Variants in SNTG1 observed in about 807,000 individuals in gnomAD.
The protein encoded by SNTG1 is syntrophin gamma 1, also known as gamma-1-syntrophin.
Under a neutral mutation model 74.7 loss-of-function variants are expected in SNTG1, and 39 were observed. The observed-to-expected ratio is 0.52, with a 90% CI of 0.40 to 0.68. SNTG1 has a LOEUF of 0.68. Ranked by LOEUF, SNTG1 falls within the 30% of genes least tolerant of loss-of-function variation. SNTG1 has a pLI of 0.00. For synonymous variants in SNTG1, 254 were observed against 217.1 expected, an observed-to-expected ratio of 1.17 and a Z score of -1.49; for missense variants, 685 against 609.5, an observed-to-expected ratio of 1.12 and a Z score of -1.30.
chr8:50,354,985 T>C (rs1483910945), intron 2 of SNTG1, among the ~76,000 whole-genome samples: 1 of 152,170 alleles, frequency 6.6e-6, no homozygotes, highest in Non-Finnish European at 1.5e-5. Flanking sequence ...GTAGTTAGAT[T>C]TGAGATGCAC....
chr8:49,982,019 A>G (rs1349306838), intron 1 of SNTG1, among the ~76,000 whole-genome samples: 1 of 152,176 alleles, frequency 6.6e-6, no homozygotes, highest in Non-Finnish European at 1.5e-5. Context: ...ATCTATGGAG[A>G]AAACAATAGC....
chr8:50,394,216 C>T lies in SNTG1; in HGVS notation c.-23C>T, dbSNP rs75930276. 3.9e-3 allele frequency: 6,333 copies of T among 1,612,642 alleles called. 171 individuals are homozygous for T. In the African/African-American group the frequency reaches 0.063, roughly 16 times the overall value. On this transcript the variant is annotated 5_prime_UTR_variant, in exon 3 of 19. Coordinates refer to ENST00000642720, the MANE Select transcript of SNTG1 (RefSeq NM_018967.5). ...ACCATTTCTGTGTCTTTTCAGACGA[C>T]ATCCTTTGTGGTGCCACAGCACATG...
chr8:50,701,696 T>C (rs916092187), intron 15 of SNTG1, among the ~76,000 whole-genome samples: 3 of 150,122 alleles, frequency 2.0e-5, no homozygotes, highest in Non-Finnish European at 4.4e-5. Flanking sequence ...TTCTTTGCCT[T>C]CCTCTTCCTC....
chr8:50,080,079 A>G (rs542231577), intron 1 of SNTG1, among the ~76,000 whole-genome samples: 1 of 152,260 alleles, frequency 6.6e-6, no homozygotes, highest in South Asian at 2.1e-4. Context: ...GTAATATAAA[A>G]ACACAATGTA....
intron 1 of SNTG1, among the ~76,000 whole-genome samples, chr8:50,028,557 C>G (rs548814446): frequency 1.4e-5 from 2 of 147,906 alleles, no homozygotes; most frequent in South Asian, 4.4e-4. Context: ...CTGAATGCAC[C>G]GTTTTACTCC....
At chr8:50,252,338 G>T (rs2129914959) in intron 2 of SNTG1, among the ~76,000 whole-genome samples, 1 of 152,210 alleles carries the variant, frequency 6.6e-6, no homozygotes, top group East Asian at 1.9e-4. Flanking sequence ...AACATTAGTA[G>T]TGGAAGGGAA....
At chr8:50,528,738 C>G (rs983808408) in intron 9 of SNTG1, among the ~76,000 whole-genome samples, 3 of 151,590 alleles carry the variant, frequency 2.0e-5, no homozygotes, top group African/African-American at 4.8e-5. Context: ...CATCCGTTAG[C>G]TCTCAGTAAT....
chr8:50,090,890 A>AT (rs2079705913), intron 1 of SNTG1, among the ~76,000 whole-genome samples: 1 of 152,186 alleles, frequency 6.6e-6, no homozygotes, highest in Non-Finnish European at 1.5e-5. Flanking sequence ...CTTTTCTGAA[A>AT]TTAAGGCCAC....
chr8:50,070,866 A>T (rs1442684346), intron 1 of SNTG1, among the ~76,000 whole-genome samples: 2 of 152,100 alleles, frequency 1.3e-5, no homozygotes, highest in Non-Finnish European at 2.9e-5. Context: ...TAGTATTCTC[A>T]CTTGCAAGGT....
chr8:50,711,605 A>G (rs2095461819), intron 17 of SNTG1, among the ~76,000 whole-genome samples: 1 of 152,118 alleles, frequency 6.6e-6, no homozygotes, highest in South Asian at 2.1e-4. Context: ...CTGGTATGCT[A>G]AACGTTTGGA....
intron 2 of SNTG1, among the ~76,000 whole-genome samples, chr8:50,228,562 G>A (rs1455429634): frequency 6.6e-6 from 1 of 151,640 alleles, no homozygotes; most frequent in South Asian, 2.1e-4. Flanking sequence ...GGAAGAACAA[G>A]AATAAAAATT....
intron 2 of SNTG1, among the ~76,000 whole-genome samples, chr8:50,281,288 A>G (rs1161312627): frequency 6.6e-6 from 1 of 152,176 alleles, no homozygotes; most frequent in Non-Finnish European, 1.5e-5. Flanking sequence ...AGGAGAGTAC[A>G]GTGAGGCCTG....
chr8:50,418,170 A>G (rs753874003), intron 4 of SNTG1, among the ~76,000 whole-genome samples: 1 of 152,124 alleles, frequency 6.6e-6, no homozygotes, highest in Non-Finnish European at 1.5e-5. Flanking sequence ...TTTCTTTGCC[A>G]TCATCCCCCA....
At chr8:50,290,600 G>A (rs1053024116) in intron 2 of SNTG1, among the ~76,000 whole-genome samples, 10 of 152,016 alleles carry the variant, frequency 6.6e-5, no homozygotes, top group Non-Finnish European at 1.2e-4. Flanking sequence ...CCTAAATATA[G>A]TCATTAGTAT....
intron 4 of SNTG1, among the ~76,000 whole-genome samples, chr8:50,427,620 T>C (rs2093179981): frequency 6.6e-6 from 1 of 152,008 alleles, no homozygotes; most frequent in Non-Finnish European, 1.5e-5. Context: ...AGAGACAGGG[T>C]CTCACAATGT....
intron 1 of SNTG1, among the ~76,000 whole-genome samples, chr8:49,994,918 C>T (rs1814063119): frequency 6.6e-6 from 1 of 152,030 alleles, no homozygotes. Flanking sequence ...ATTTCAATGC[C>T]CTCATGGGTC....
chr8:50,341,245 C>T (rs2091308730), intron 2 of SNTG1, among the ~76,000 whole-genome samples: 1 of 151,868 alleles, frequency 6.6e-6, no homozygotes, highest in African/African-American at 2.4e-5. Flanking sequence ...AACATTGATA[C>T]ATAGTCAGTA....
intron 1 of SNTG1, among the ~76,000 whole-genome samples, chr8:50,099,942 C>T (rs1301867761): frequency 6.6e-6 from 1 of 151,952 alleles, no homozygotes; most frequent in Non-Finnish European, 1.5e-5. Context: ...GGTCTTTTCA[C>T]TGTGTTGTTG....
chr8:50,793,410 T>C lies in SNTG1; in HGVS notation c.*581T>C, dbSNP rs2095696885. ...CACTGGCATTCCAATTGTTTTTATCTTATTGTAAATATTCCGAAGAACTTC... is the reference window on the plus strand; with the variant it reads ...CACTGGCATTCCAATTGTTTTTATCCTATTGTAAATATTCCGAAGAACTTC... On this transcript the variant is annotated 3_prime_UTR_variant, in exon 19 of 19. Coordinates refer to ENST00000642720, the MANE Select transcript of SNTG1 (RefSeq NM_018967.5). 6.6e-6 allele frequency: 1 copy of C among 152,012 alleles called. No individual in the cohort carries two copies. Among genetic ancestry groups the C allele is most frequent in the Non-Finnish European group, 1.5e-5 (1 of 67,928 alleles). The allele number at this position is 152,012 out of a possible 1,614,324, so 9.4% of individuals were successfully genotyped here.
Sources: gnomAD v4.1 joint callset for allele counts (sites outside exome capture counted in the v4.1 genomes callset) on GRCh38, gnomAD v4.1.1 for gene constraint, MANE v1.5 for transcripts, NCBI Gene and HGNC (gene_info 2026-07-23, HGNC 2026-07-21) for gene names.